Variants in ZNF605 observed in about 807,000 individuals in gnomAD.
ZNF605 encodes zinc finger protein 605.
In ZNF605, 9 loss-of-function variants were observed where a neutral mutation model predicts 7.9. The observed-to-expected ratio is 1.14, with a 90% confidence interval of 0.68 to 1.98. The LOEUF is 1.98. Ranked by LOEUF, ZNF605 falls within the 30% of genes most tolerant of loss-of-function variation. The pLI is 0.00. For missense variants in ZNF605, 673 were observed against 762.4 expected (o/e 0.88, Z 1.38); for synonymous variants, 255 against 260.1 (o/e 0.98, Z 0.19).
At chr12:132,927,242 C>A in intron 4 of ZNF605, 80 bp from the exon 5 acceptor site, 1 of 1,017,354 alleles carries the variant, frequency 9.8e-7, no homozygotes, top group Non-Finnish European at 1.3e-6. Context: ...TGAAATGGCG[C>A]CATAATCCCA....
rs1014974073 is a variant in ZNF605 at position 132,920,863 on chromosome 12, G to C, written c.*4510C>G. The C allele has an allele frequency of 2.6e-5, 4 of 151,972 alleles. No homozygotes were observed. In the South Asian group the frequency reaches 6.2e-4, roughly 24 times the overall value. 9.4% of individuals were successfully genotyped at this position (151,972 alleles called of 1,614,324 possible). ...TTTTTTGAGATGGAGTTTTGTTCTTGTTGCCCAGACTGGAGTGCAATGCCG... is the reference window on the plus strand; with the variant it reads ...TTTTTTGAGATGGAGTTTTGTTCTTCTTGCCCAGACTGGAGTGCAATGCCG... On this transcript the variant is annotated 3_prime_UTR_variant, in exon 5 of 5. Transcript: ENST00000360187.
In ZNF605 at chr12:132,920,739, T is replaced by C. The variant is rs1361282505; in HGVS notation, c.*4634A>G. On this transcript the variant is annotated 3_prime_UTR_variant, in exon 5 of 5. Transcript: ENST00000360187. ...AGGCTGGAATGCAGTGGCCCCATCATGGCTCACTGCAGCCTTGAACTCCTG... is the reference window on the plus strand; with the variant it reads ...AGGCTGGAATGCAGTGGCCCCATCACGGCTCACTGCAGCCTTGAACTCCTG... The C allele has an allele frequency of 1.3e-5, 2 of 152,242 alleles. No individual in the cohort carries two copies. Among genetic ancestry groups the C allele is most frequent in the East Asian group, 3.9e-4 (2 of 5,190 alleles). 9.4% of individuals were successfully genotyped at this position (152,242 alleles called of 1,614,324 possible). A position where few individuals can be genotyped will look rare whatever the true frequency, so the allele number is the denominator to read the frequency against.
rs1283068523 is a variant in ZNF605 at position 132,925,251 on chromosome 12, C to A, written c.*122G>T. The A allele has an allele frequency of 8.6e-6, 6 of 699,836 alleles. No homozygotes were observed. Among genetic ancestry groups the A allele is most frequent in the African/African-American group, 1.8e-5 (1 of 55,494 alleles). The allele number at this position is 699,836 out of a possible 1,614,324, so 43.4% of individuals were successfully genotyped here. On this transcript the variant is annotated 3_prime_UTR_variant, in exon 5 of 5. Coordinates refer to ENST00000360187, the MANE Select transcript of ZNF605 (RefSeq NM_183238.4). Reference sequence around the variant, plus strand: ...TTCTGCTTAGTGACTCTTGACTCCTCAATTCAAGCTTTTTCAACAGTCACT... The same window carrying A: ...TTCTGCTTAGTGACTCTTGACTCCTAAATTCAAGCTTTTTCAACAGTCACT...
At chr12:132,939,924 G>A (rs1454136845) in intron 3 of ZNF605, among the ~76,000 whole-genome samples, 9 of 151,852 alleles carry the variant, frequency 5.9e-5, no homozygotes, top group Admixed American at 2.6e-4. Context: ...CACTCACCGC[G>A]AAGGTCTGCA....
chr12:132,925,472 C>G lies in ZNF605; in HGVS notation c.1827G>C (p.Arg609Ser). 1 of 1,614,162 alleles carries G rather than the reference C, an allele frequency of 6.2e-7. No homozygotes were observed. The highest frequency in any genetic ancestry group is 8.5e-7 in the Non-Finnish European group (1 of 1,180,010). ...CATAGTATTTATCTCCTGTATGAAT[C>G]CTCTGATGCCTCATAAGGTGTGACT... ...TRKSHLMRHQ[R>S]IHTGDKYYGC... is the part of the protein sequence containing the mutation. The change falls in exon 5 of 5, where the codon AGG becomes AGC. Residue 609 changes from arginine (R) to serine (S), a missense_variant. Physicochemically the swap from Arg to Ser is moderately radical, Grantham distance 110. Transcript: ENST00000360187.
chr12:132,921,355 A>G lies in ZNF605; in HGVS notation c.*4018T>C, dbSNP rs915070676. On this transcript the variant is annotated 3_prime_UTR_variant, in exon 5 of 5. Coordinates refer to ENST00000360187, the MANE Select transcript of ZNF605 (RefSeq NM_183238.4). ...TTTATATTGTCTACTTCTAAGCGGC[A>G]GACAGTCATCATGAGGCAAATAAAA... is the stretch of plus-strand genomic sequence containing the variant. The G allele has an allele frequency of 2.0e-5, 3 of 152,188 alleles. No individual in the cohort carries two copies. Among genetic ancestry groups the G allele is most frequent in the Admixed American group, 2.0e-4 (3 of 15,278 alleles). The allele number at this position is 152,188 out of a possible 1,614,324, so 9.4% of individuals were successfully genotyped here. A position where few individuals can be genotyped will look rare whatever the true frequency, so the allele number is the denominator to read the frequency against.
At chr12:132,948,098 A>T (rs1429839400) in intron 2 of ZNF605, 50 bp downstream of exon 2, 1 of 152,244 alleles carries the variant, frequency 6.6e-6, no homozygotes, top group Non-Finnish European at 1.5e-5. Context: ...ATTTAAAATA[A>T]GCATAATGAA....
intron 1 of ZNF605, among the ~76,000 whole-genome samples, chr12:132,951,203 GAC>G: frequency 6.8e-6 from 1 of 146,658 alleles, no homozygotes; most frequent in East Asian, 2.0e-4. Flanking sequence ...CACACACTCA[GAC>G]ACACTGATAC....
chr12:132,943,032 C>T (rs1404023146), intron 3 of ZNF605, among the ~76,000 whole-genome samples: 1 of 152,074 alleles, frequency 6.6e-6, no homozygotes, highest in Non-Finnish European at 1.5e-5. Flanking sequence ...CCTAAAAAAT[C>T]AAGGAGTGGA....
Position 132,923,340 on chromosome 12 carries a change from A to C in ZNF605, c.*2033T>G, listed in dbSNP as rs1250718646. On this transcript the variant is annotated 3_prime_UTR_variant, in exon 5 of 5. Transcript: ENST00000360187. ...TTTGTATTATTTTCCTGCTGCCCTC[A>C]AACATCCTTTAATGTTTCCCAAAGA... 2 of 152,198 alleles carry C rather than the reference A, an allele frequency of 1.3e-5. No individual in the cohort carries two copies. Among genetic ancestry groups the C allele is most frequent in the African/African-American group, 4.8e-5 (2 of 41,452 alleles). The allele number at this position is 152,198 out of a possible 1,614,324, so 9.4% of individuals were successfully genotyped here. A position where few individuals can be genotyped will look rare whatever the true frequency, so the allele number is the denominator to read the frequency against.
intron 1 of ZNF605, among the ~76,000 whole-genome samples, chr12:132,951,609 A>C (rs918140782): frequency 4.7e-5 from 7 of 148,478 alleles, no homozygotes; most frequent in African/African-American, 1.8e-4. Flanking sequence ...ACACAGATAC[A>C]CACGTTCGTA....
At chr12:132,939,631 G>A (rs1304681736) in intron 3 of ZNF605, among the ~76,000 whole-genome samples, 1 of 152,104 alleles carries the variant, frequency 6.6e-6, no homozygotes, top group Non-Finnish European at 1.5e-5. Flanking sequence ...CAGGCCACTC[G>A]GCTCTACCAA....
At position 132,926,194 on chromosome 12, in the gene ZNF605, C is replaced by T. The variant is rs981098684; in HGVS notation, c.1105G>A (p.Glu369Lys). Residue 369 changes from glutamate (E) to lysine (K), a missense_variant, in exon 5 of 5, where the codon GAA (glutamate) becomes AAA (lysine). Coordinates refer to ENST00000360187, the MANE Select transcript of ZNF605 (RefSeq NM_183238.4). ...HTGEKPYECN[E>K]CGEAFIRKPQ... The stretch of plus-strand genomic sequence containing the variant: ...TTTCTGATGAAGGCTTCACCACATT[C>T]GTTGCATTCGTAGGGCTTCTCTCCT... 3.5e-5 allele frequency: 57 copies of T among 1,614,074 alleles called. No individual in the cohort carries two copies. Among genetic ancestry groups the T allele is most frequent in the South Asian group, 3.1e-4 (28 of 91,086 alleles).
At chr12:132,947,314 C>T (rs1952504579) in intron 2 of ZNF605, among the ~76,000 whole-genome samples, 1 of 145,952 alleles carries the variant, frequency 6.9e-6, no homozygotes, top group South Asian at 2.3e-4. Flanking sequence ...CACGCCCGGC[C>T]ACATTTTTTT....
At chr12:132,952,518 C>T (rs1327814017) in intron 1 of ZNF605, among the ~76,000 whole-genome samples, 1 of 151,632 alleles carries the variant, frequency 6.6e-6, no homozygotes, top group South Asian at 2.1e-4. Flanking sequence ...GATATTCCTC[C>T]CAGACGTCGT....
At chr12:132,940,147 G>C (rs1468785021) in intron 3 of ZNF605, among the ~76,000 whole-genome samples, 1 of 152,186 alleles carries the variant, frequency 6.6e-6, no homozygotes, top group African/African-American at 2.4e-5. Context: ...ACTGTGCCTA[G>C]CCGACATGAT....
chr12:132,945,019 ACT>A (rs2137155072), intron 3 of ZNF605: 1 of 191,136 alleles, frequency 5.2e-6, no homozygotes, highest in African/African-American at 2.4e-5. Flanking sequence ...TCTTTTTCTC[ACT>A]CTGTCACCCT....
rs1383436182 is a variant in ZNF605, at chr12:132,918,352, C to T, written c.*7021G>A. On this transcript the variant is annotated 3_prime_UTR_variant, in exon 5 of 5. Transcript: ENST00000360187. ...ATTTGCAAATTGCTCCCAGTGATCA[C>T]ACTCACACATATGAATTCATGAAAC... 2 of 152,214 alleles carry T rather than the reference C, an allele frequency of 1.3e-5. No homozygotes were observed. The highest frequency in any genetic ancestry group is 4.8e-5 in the African/African-American group (2 of 41,446). The allele number at this position is 152,214 out of a possible 1,614,324, so 9.4% of individuals were successfully genotyped here. A position where few individuals can be genotyped will look rare whatever the true frequency, so the allele number is the denominator to read the frequency against.
At chr12:132,934,774 A>G (rs1190508473) in intron 3 of ZNF605, among the ~76,000 whole-genome samples, 1 of 152,142 alleles carries the variant, frequency 6.6e-6, no homozygotes, top group African/African-American at 2.4e-5. Context: ...GTAGAAAAAA[A>G]TCACATTCTC....
Sources: allele counts gnomAD v4.1 joint callset (sites outside exome capture counted in the v4.1 genomes callset), GRCh38; gene constraint gnomAD v4.1.1; transcripts MANE v1.5; gene names NCBI Gene and HGNC (gene_info 2026-07-23, HGNC 2026-07-21).